Variants in SHB observed in about 807,000 individuals in gnomAD.
The protein encoded by SHB is SH2 domain-containing adapter protein B.
A neutral mutation model predicts 52.3 loss-of-function variants in SHB; 20 were observed. The ratio of observed to expected loss-of-function variants is 0.38; its 90% CI spans 0.27 to 0.56. SHB has a LOEUF of 0.56. SHB is among the 20% of genes least tolerant of loss of function. The pLI is 0.71. For synonymous variants in SHB, 397 were observed against 316.5 expected, an observed-to-expected ratio of 1.25 and a Z score of -2.70; for missense variants, 825 against 723.3, an observed-to-expected ratio of 1.14 and a Z score of -1.61.
chr9:38,004,710 G>GT (rs2118049482), intron 2 of SHB, among the ~76,000 whole-genome samples: 1 of 152,348 alleles, frequency 6.6e-6, no homozygotes, highest in South Asian at 2.1e-4. Flanking sequence ...GTAGCTTCAC[G>GT]GAGGGCTGTG....
At chr9:37,963,805 C>T (rs1832719750) in intron 3 of SHB, among the ~76,000 whole-genome samples, 2 of 152,182 alleles carry the variant, frequency 1.3e-5, no homozygotes, top group Admixed American at 6.5e-5. Flanking sequence ...CACAACAATG[C>T]ACTAACATCT....
rs746214141 is a variant in SHB at position 38,016,120 on chromosome 9, G to A, written c.729C>T (p.Ala243=). The change falls in exon 2 of 6, where the codon GCC becomes GCT. Residue 243 remains alanine, a synonymous_variant. Transcript: ENST00000377707. ...GAGKKDKVTI[A]DDYSDPFDAK... ...CATCAAAGGGATCTGAGTAGTCATC[G>A]GCTATGGTCACCTGCAGGGAGGAAG... The A allele has an allele frequency of 1.2e-5, 20 of 1,614,002 alleles. No homozygotes were observed. The highest frequency in any genetic ancestry group is 2.7e-5 in the African/African-American group (2 of 74,936).
chr9:37,924,363 C>T (rs998943727), intron 5 of SHB, among the ~76,000 whole-genome samples: 6 of 152,340 alleles, frequency 3.9e-5, no homozygotes, highest in Non-Finnish European at 2.9e-5. Flanking sequence ...CCTCACCTCT[C>T]GCTTTTAGAC....
intron 4 of SHB, among the ~76,000 whole-genome samples, chr9:37,951,932 G>A (rs1376571630): frequency 6.6e-6 from 1 of 152,248 alleles, no homozygotes; most frequent in Non-Finnish European, 1.5e-5. Flanking sequence ...TTGGGCCCAC[G>A]TAGGCCTTGC....
intron 1 of SHB, among the ~76,000 whole-genome samples, chr9:38,018,685 C>A (rs1184271071): frequency 6.6e-6 from 1 of 152,268 alleles, no homozygotes; most frequent in African/African-American, 2.4e-5. Flanking sequence ...TGATCTTTTG[C>A]AAAATGATGT....
At chr9:38,056,931 G>A (rs1015239743) in intron 1 of SHB, among the ~76,000 whole-genome samples, 1 of 152,182 alleles carries the variant, frequency 6.6e-6, no homozygotes, top group Non-Finnish European at 1.5e-5. Context: ...CAGGAATCCA[G>A]GAAACTGCAA....
chr9:38,068,195 A>G lies in SHB; in HGVS notation c.451T>C (p.Ser151Pro). The G allele has an allele frequency of 7.1e-7, 1 of 1,407,326 alleles. No individual in the cohort carries two copies. The highest frequency in any genetic ancestry group is 9.1e-7 in the Non-Finnish European group (1 of 1,094,048). 87.2% of individuals were successfully genotyped at this position (1,407,326 alleles called of 1,614,324 possible). A position where few individuals can be genotyped will look rare whatever the true frequency, so the allele number is the denominator to read the frequency against. The change falls in exon 1 of 6, where the codon TCC becomes CCC. Residue 151 changes from serine to proline, a missense_variant. Physicochemically the swap from Ser to Pro is moderately conservative, Grantham distance 74 (BLOSUM62 -1). Coordinates refer to ENST00000377707, the MANE Select transcript of SHB (RefSeq NM_003028.3). ...CASSGAGAAA[S>P]SSSSSGSPHL... Reference sequence around the variant, plus strand: ...GGAGAGCCGGAGGACGAGGACGAGGACGCGGCGGCCCCCGCGCCCGAGGAG... The same window carrying G: ...GGAGAGCCGGAGGACGAGGACGAGGGCGCGGCGGCCCCCGCGCCCGAGGAG...
At chr9:37,978,356 T>C (rs1199276200) in intron 2 of SHB, among the ~76,000 whole-genome samples, 1 of 152,188 alleles carries the variant, frequency 6.6e-6, no homozygotes, top group Non-Finnish European at 1.5e-5. Flanking sequence ...ACGGTAATCA[T>C]TAAAACAAGC....
At chr9:38,032,348 G>A (rs910673534) in intron 1 of SHB, among the ~76,000 whole-genome samples, 1 of 152,188 alleles carries the variant, frequency 6.6e-6, no homozygotes, top group African/African-American at 2.4e-5. Flanking sequence ...CCAGGCCAGC[G>A]TCACCCCAAA....
intron 1 of SHB, among the ~76,000 whole-genome samples, chr9:38,042,764 C>T (rs1821599688): frequency 6.6e-6 from 1 of 152,192 alleles, no homozygotes; most frequent in African/African-American, 2.4e-5. Flanking sequence ...TTTCCTGGGG[C>T]GACCTGGCCC....
chr9:37,996,113 C>T (rs1477394435), intron 2 of SHB, among the ~76,000 whole-genome samples: 1 of 152,178 alleles, frequency 6.6e-6, no homozygotes, highest in African/African-American at 2.4e-5. Context: ...AATGTCCAAG[C>T]CGAAATGACT....
intron 3 of SHB, among the ~76,000 whole-genome samples, chr9:37,965,513 GT>G (rs767828688): frequency 1.3e-5 from 2 of 152,004 alleles, no homozygotes; most frequent in Non-Finnish European, 2.9e-5. Context: ...AGATTTACTG[GT>G]ATTCTACTGC....
chr9:38,011,790 G>A (rs935073295), intron 2 of SHB, among the ~76,000 whole-genome samples: 1 of 152,150 alleles, frequency 6.6e-6, no homozygotes, highest in African/African-American at 2.4e-5. Flanking sequence ...TAACTTCTTT[G>A]AGCCTCAGTT....
At chr9:37,977,618 G>T (rs1564092861) in intron 2 of SHB, among the ~76,000 whole-genome samples, 1 of 152,142 alleles carries the variant, frequency 6.6e-6, no homozygotes, top group African/African-American at 2.4e-5. Context: ...GTCACTTTAC[G>T]GTGAAGACCA....
intron 5 of SHB, among the ~76,000 whole-genome samples, chr9:37,940,703 G>A (rs564740693): frequency 3.9e-5 from 6 of 152,296 alleles, no homozygotes; most frequent in Admixed American, 3.9e-4. Flanking sequence ...CTGGGCCTCA[G>A]TATCTCCACT....
In SHB at chr9:37,919,520, T is replaced by G; in HGVS notation, c.*301A>C. Reference sequence around the variant, plus strand: ...ACCCTACCCCGCCCCTCGGAGCTGGTCTGCCTTTGTTCATCCTGGAAGGCA... The same window carrying G: ...ACCCTACCCCGCCCCTCGGAGCTGGGCTGCCTTTGTTCATCCTGGAAGGCA... On this transcript the variant is annotated 3_prime_UTR_variant, in exon 6 of 6. Coordinates refer to ENST00000377707, the MANE Select transcript of SHB (RefSeq NM_003028.3). 1.2e-5 allele frequency: 2 copies of G among 170,098 alleles called. No homozygotes were observed. Among genetic ancestry groups the G allele is most frequent in the South Asian group, 2.3e-4 (2 of 8,652 alleles). 10.5% of individuals were successfully genotyped at this position (170,098 alleles called of 1,614,324 possible).
intron 1 of SHB, among the ~76,000 whole-genome samples, chr9:38,040,158 G>C (rs1402253503): frequency 6.6e-6 from 1 of 152,246 alleles, no homozygotes; most frequent in Admixed American, 6.5e-5. Flanking sequence ...CCAAGGCTCA[G>C]AACTCACCGT....
intron 1 of SHB, among the ~76,000 whole-genome samples, chr9:38,053,483 C>T (rs1821778283): frequency 2.0e-5 from 3 of 152,110 alleles, no homozygotes; most frequent in Admixed American, 2.0e-4. Context: ...GTGATCCGCC[C>T]ACCCCAGTCT....
chr9:38,054,576 G>A (rs1391636029), intron 1 of SHB, among the ~76,000 whole-genome samples: 2 of 152,196 alleles, frequency 1.3e-5, no homozygotes, highest in Non-Finnish European at 2.9e-5. Flanking sequence ...ACATCAAAGG[G>A]TCCTTGCCCT....
Sources: allele counts gnomAD v4.1 joint callset (sites outside exome capture counted in the v4.1 genomes callset), GRCh38; gene constraint gnomAD v4.1.1; transcripts MANE v1.5; gene names NCBI Gene and HGNC (gene_info 2026-07-23, HGNC 2026-07-21).